The following RYR2 variants were observed in gnomAD, a reference collection of about 807,000 sequenced individuals.
The protein encoded by RYR2 is cardiac muscle ryanodine receptor-calcium release channel.
Under a neutral mutation model 601.1 loss-of-function variants are expected in RYR2, and 227 were observed. That is an observed-to-expected ratio of 0.38 (90% confidence interval 0.34 to 0.42). RYR2 has a LOEUF of 0.42. Among genes scored for constraint, RYR2 ranks in the 10% least tolerant of loss-of-function variants. RYR2 has a pLI of 1.00. For synonymous variants in RYR2, 2,223 were observed against 2,175.1 expected (o/e 1.02, Z -0.61); for missense variants, 4,646 against 6,156.5 (o/e 0.75, Z 8.21).
Position 237,743,522 on chromosome 1 carries a change from C to T in RYR2, c.11145+1173C>T, listed in dbSNP as rs1573766836. 3 of 506,538 alleles carry T rather than the reference C, an allele frequency of 5.9e-6. No individual in the cohort carries two copies. The East Asian group carries it at 1.7e-4, about 28-fold the overall frequency. The allele number at this position is 506,538 out of a possible 1,614,324, so 31.4% of individuals were successfully genotyped here. ...GATAATATTGTTTTTCTGAAGTGCACAGCATTTATAGTCTATCCGTTGTCT... is the reference window on the plus strand; with the variant it reads ...GATAATATTGTTTTTCTGAAGTGCATAGCATTTATAGTCTATCCGTTGTCT... On this transcript the variant is annotated intron_variant, in intron 80 of 104. Coordinates refer to ENST00000366574, the MANE Select transcript of RYR2 (RefSeq NM_001035.3).
chr1:237,473,477 C>CTTCTTCTTTCTTTCTTTCTTTCTT (rs1553464755), intron 17 of RYR2, among the ~76,000 whole-genome samples: 1 of 145,564 alleles, frequency 6.9e-6, no homozygotes. Flanking sequence ...ATCTATCTAT[C>CTTCTTCTTTCTTTCTTTCTTTCTT]TGGCATATAT....
At chr1:237,761,544 G>A (rs551223941) in intron 84 of RYR2, among the ~76,000 whole-genome samples, 2 of 152,088 alleles carry the variant, frequency 1.3e-5, no homozygotes, top group Non-Finnish European at 2.9e-5. Context: ...AAAGAAATTA[G>A]AGACCAGTTA....
intron 1 of RYR2, among the ~76,000 whole-genome samples, chr1:237,061,211 T>TTCGTTCTA (rs143188219): frequency 8.6e-5 from 9 of 104,276 alleles, no homozygotes; most frequent in Admixed American, 5.0e-4. Flanking sequence ...AATACGGTTG[T>TTCGTTCTA]TCTATCTATC....
intron 17 of RYR2, among the ~76,000 whole-genome samples, chr1:237,473,459 T>TTCTTTCTTTCTTTCTTTCTA (rs1450110678): frequency 5.1e-5 from 7 of 136,570 alleles, no homozygotes; most frequent in African/African-American, 1.8e-4. Context: ...CTTTCTTTCT[T>TTCTTTCTTTCTTTCTTTCTA]TCTATCTATC....
chr1:237,660,773 A>G (rs1359341994), intron 55 of RYR2, 37 bp from the exon 56 acceptor site: 5 of 1,504,928 alleles, frequency 3.3e-6, no homozygotes, highest in South Asian at 1.3e-5. Context: ...ATTTACATTC[A>G]TAATATATCT....
In RYR2 at chr1:237,648,435, C is replaced by G. The variant is rs372778902; in HGVS notation, c.7343-9C>G. 3.1e-6 allele frequency: 5 copies of G among 1,591,840 alleles called. No individual in the cohort carries two copies. Among genetic ancestry groups the G allele is most frequent in the Non-Finnish European group, 4.3e-6 (5 of 1,167,540 alleles). ...GCCATTGACACCAAAATTCACTTCT[C>G]TCTTTTAGATGGGAATGTGGTGGAA... On this transcript the variant is annotated splice_polypyrimidine_tract_variant and intron_variant, in intron 48 of 104. Transcript: ENST00000366574.
chr1:237,832,041 T>C (rs978817531), intron 104 of RYR2, among the ~76,000 whole-genome samples: 1 of 152,144 alleles, frequency 6.6e-6, no homozygotes, highest in Non-Finnish European at 1.5e-5. Context: ...TGTATATATA[T>C]ACACACACAC....
chr1:237,590,330 A>G (rs1675014330), intron 30 of RYR2, among the ~76,000 whole-genome samples: 1 of 152,082 alleles, frequency 6.6e-6, no homozygotes, highest in Non-Finnish European at 1.5e-5. Flanking sequence ...ATCCATTCTC[A>G]TATTAGTTAC....
intron 63 of RYR2, among the ~76,000 whole-genome samples, chr1:237,692,544 T>G (rs1687038875): frequency 6.6e-6 from 1 of 152,186 alleles, no homozygotes; most frequent in African/African-American, 2.4e-5. Flanking sequence ...CACTCCGTCC[T>G]CGTGTCCCAG....
chr1:237,385,486 C>T (rs537251145), intron 8 of RYR2, among the ~76,000 whole-genome samples: 2 of 152,248 alleles, frequency 1.3e-5, no homozygotes, highest in African/African-American at 4.8e-5. Context: ...TACAAGCACC[C>T]TTGGGGTGGA....
chr1:237,286,823 G>A (rs1032039765), intron 2 of RYR2, among the ~76,000 whole-genome samples: 1 of 151,888 alleles, frequency 6.6e-6, no homozygotes, highest in Non-Finnish European at 1.5e-5. Context: ...GAAATGTGAG[G>A]TACCCTTGCA....
At chr1:237,281,986 A>G (rs979872695) in intron 2 of RYR2, among the ~76,000 whole-genome samples, 2 of 148,386 alleles carry the variant, frequency 1.3e-5, no homozygotes, top group African/African-American at 2.6e-5. Flanking sequence ...GTAACAGAGT[A>G]TATACTACAG....
chr1:237,348,161 A>T (rs1429460956), intron 3 of RYR2, among the ~76,000 whole-genome samples: 1 of 151,974 alleles, frequency 6.6e-6, no homozygotes. Context: ...TGACGTTTTT[A>T]TTATTATTAT....
At chr1:237,272,220 G>A (rs894935348) in intron 2 of RYR2, among the ~76,000 whole-genome samples, 3 of 152,068 alleles carry the variant, frequency 2.0e-5, no homozygotes, top group Admixed American at 2.0e-4. Context: ...TGGCCCTATG[G>A]ACTTTTATAG....
chr1:237,614,375 A>G lies in RYR2; in HGVS notation c.5247A>G (p.Pro1749=), dbSNP rs779576294. 27 of 1,613,908 alleles carry G rather than the reference A, an allele frequency of 1.7e-5. No individual in the cohort carries two copies. Among genetic ancestry groups the G allele is most frequent in the Non-Finnish European group, 2.2e-5 (26 of 1,179,894 alleles). The stretch of plus-strand genomic sequence containing the variant: ...ATGAGAACAAAAAACACGGCCTTCC[A>G]GGGATCGGCCTCAGCACCTCCCTCA... ...FPDENKKHGL[P]GIGLSTSLRP... is the part of the protein sequence containing the mutation. The change falls in exon 37 of 105, where the codon CCA becomes CCG. Residue 1749 remains proline, a synonymous_variant. Coordinates refer to ENST00000366574, the MANE Select transcript of RYR2 (RefSeq NM_001035.3). This position sits in a 1 kb window ranked among gnomAD's most constrained non-coding sequence, Gnocchi z 4.3.
At position 237,792,349 on chromosome 1, in the gene RYR2, CTGTGTG is replaced by C. The variant is rs34337859; in HGVS notation, c.13782+53_13782+58del. On this transcript the variant is annotated intron_variant, in intron 94 of 104. Transcript: ENST00000366574. The stretch of plus-strand genomic sequence containing the variant: ...GTAAGATAGTAAGGCACCAAGGTAC[CTGTGTG>C]TGTGTGTGTGTGTGTGTGTGTGTGT... The C allele has an allele frequency of 0.047, 31,949 of 675,780 alleles. 86 individuals carry two copies. The highest frequency in any genetic ancestry group is 0.064 in the South Asian group (2,866 of 44,746). 41.9% of individuals were successfully genotyped at this position (675,780 alleles called of 1,614,324 possible).
chr1:237,705,311 T>C lies in RYR2; in HGVS notation c.9548T>C (p.Ile3183Thr). Reference protein sequence around the residue: ...THLDKHNIYSIYNTKSSRERA... With the variant: ...THLDKHNIYSTYNTKSSRERA... ...CTGGACAAACATAATATTTACTCCATCTACAATACCAAGTCTTCACGAGAA... is the reference window on the plus strand; with the variant it reads ...CTGGACAAACATAATATTTACTCCACCTACAATACCAAGTCTTCACGAGAA... Residue 3183 changes from isoleucine (I) to threonine (T), a missense_variant, in exon 67 of 105, where the codon ATC (isoleucine) becomes ACC (threonine). Transcript: ENST00000366574. 1.9e-6 allele frequency: 3 copies of C among 1,605,296 alleles called. No individual in the cohort carries two copies. In the South Asian group the frequency reaches 3.4e-5, roughly 18 times the overall value.
chr1:237,412,160 C>A (rs926587126), intron 10 of RYR2, among the ~76,000 whole-genome samples: 3 of 151,758 alleles, frequency 2.0e-5, no homozygotes, highest in African/African-American at 7.3e-5. Flanking sequence ...GGCTTGACAA[C>A]TGAGATAAGA....
At chr1:237,367,670 G>A (rs761936149) in intron 5 of RYR2, among the ~76,000 whole-genome samples, 6 of 151,986 alleles carry the variant, frequency 3.9e-5, no homozygotes, top group Non-Finnish European at 8.8e-5. Flanking sequence ...CAAACTTCTC[G>A]TCATAATATT....
Sources: gnomAD v4.1 joint callset for allele counts (sites outside exome capture counted in the v4.1 genomes callset) on GRCh38, gnomAD v4.1.1 for gene constraint, Gnocchi (gnomAD v3.1) non-coding constraint, MANE v1.5 for transcripts, NCBI Gene and HGNC (gene_info 2026-07-23, HGNC 2026-07-21) for gene names.